The following LIMCH1 variants were observed in gnomAD, a reference collection of about 807,000 sequenced individuals.
The protein encoded by LIMCH1 is LIM and calponin homology domains-containing protein 1.
A neutral mutation model predicts 176.5 loss-of-function variants in LIMCH1; 113 were observed. The ratio of observed to expected loss-of-function variants is 0.64; its 90% CI spans 0.55 to 0.75. The LOEUF (loss-of-function observed/expected upper bound fraction) is 0.75. LIMCH1 is among the 30% of genes least tolerant of loss of function. The probability of loss-of-function intolerance (pLI) is 0.00; values close to 1 mark genes in which losing one functional copy is unlikely to be tolerated. For missense variants in LIMCH1, 1,674 were observed against 1,814.9 expected (o/e 0.92, Z 1.41); for synonymous variants, 619 against 645.9 (o/e 0.96, Z 0.63).
At chr4:41,494,448 C>T (rs1315192208) in intron 1 of LIMCH1, 4 of 846,048 alleles carry the variant, frequency 4.7e-6, no homozygotes, top group Non-Finnish European at 7.8e-6. Context: ...TATATGTACA[C>T]ACACATACAC....
At chr4:41,367,466 G>A (rs2053199033) in intron 1 of LIMCH1, among the ~76,000 whole-genome samples, 1 of 152,052 alleles carries the variant, frequency 6.6e-6, no homozygotes, top group African/African-American at 2.4e-5. Context: ...CCTGGTCAGT[G>A]TAAGTTAGGG....
intron 3 of LIMCH1, among the ~76,000 whole-genome samples, chr4:41,530,743 C>G (rs552093170): frequency 1.5e-5 from 2 of 129,180 alleles, no homozygotes; most frequent in South Asian, 5.3e-4. Flanking sequence ...GGCAGTGAGC[C>G]GAGATTGTGC....
At chr4:41,496,313 G>T (rs1446361383) in intron 2 of LIMCH1, among the ~76,000 whole-genome samples, 1 of 152,210 alleles carries the variant, frequency 6.6e-6, no homozygotes, top group Non-Finnish European at 1.5e-5. Context: ...AGACCCACTG[G>T]TGTATTTGAA....
chr4:41,480,986 G>C (rs561435877), intron 1 of LIMCH1, among the ~76,000 whole-genome samples: 1 of 151,998 alleles, frequency 6.6e-6, no homozygotes, highest in South Asian at 2.1e-4. Flanking sequence ...AATGCTCCCA[G>C]GATGCTTTTG....
At chr4:41,510,746 G>C (rs2074802651) in intron 2 of LIMCH1, among the ~76,000 whole-genome samples, 1 of 152,106 alleles carries the variant, frequency 6.6e-6, no homozygotes, top group Non-Finnish European at 1.5e-5. Flanking sequence ...CTGCCACCAT[G>C]CCTGGCTAAT....
At chr4:41,577,834 C>T (rs542601562) in intron 1 of LIMCH1, among the ~76,000 whole-genome samples, 5 of 152,258 alleles carry the variant, frequency 3.3e-5, no homozygotes, top group Non-Finnish European at 5.9e-5. Context: ...CATATACCAA[C>T]GTAAGTATAT....
intron 1 of LIMCH1, among the ~76,000 whole-genome samples, chr4:41,481,643 G>A (rs1205152926): frequency 6.6e-6 from 1 of 152,088 alleles, no homozygotes; most frequent in Non-Finnish European, 1.5e-5. Flanking sequence ...TAGTGTCATA[G>A]CGTAGAGACA....
chr4:41,666,056 C>T lies in LIMCH1; in HGVS notation c.3292-505C>T, dbSNP rs527930163. ...TTTCTTTGTCAGCAGGCAAAGTATACTGTCTTTAATGTGCTTTGCATAAAT... is the reference window on the plus strand; with the variant it reads ...TTTCTTTGTCAGCAGGCAAAGTATATTGTCTTTAATGTGCTTTGCATAAAT... On this transcript the variant is annotated intron_variant, in intron 20 of 31. Coordinates refer to ENST00000503057, the MANE Select transcript of LIMCH1 (RefSeq NM_001330672.2). Among the ~76,000 whole-genome samples, 20 of 152,298 alleles carry T rather than the reference C, an allele frequency of 1.3e-4. No individual in the cohort carries two copies. In the East Asian group the frequency reaches 3.9e-3, roughly 29 times the overall value.
chr4:41,437,305 G>A (rs2062181214), intron 1 of LIMCH1, among the ~76,000 whole-genome samples: 1 of 152,242 alleles, frequency 6.6e-6, no homozygotes, highest in Non-Finnish European at 1.5e-5. Context: ...TGTGCAAGGA[G>A]CCTGAGCTGG....
At chr4:41,523,557 A>G (rs1421202761) in intron 2 of LIMCH1, among the ~76,000 whole-genome samples, 1 of 152,198 alleles carries the variant, frequency 6.6e-6, no homozygotes, top group Non-Finnish European at 1.5e-5. Flanking sequence ...CGTGGAAATA[A>G]CATTCTACAT....
intron 1 of LIMCH1, among the ~76,000 whole-genome samples, chr4:41,443,549 T>G (rs1162109842): frequency 6.6e-6 from 1 of 152,242 alleles, no homozygotes; most frequent in Non-Finnish European, 1.5e-5. Flanking sequence ...TTTCCAGATT[T>G]CAGGAAGCCA....
chr4:41,531,522 A>C (rs908536439), intron 3 of LIMCH1, among the ~76,000 whole-genome samples: 66 of 145,650 alleles, frequency 4.5e-4, no homozygotes, highest in African/African-American at 1.7e-3. Flanking sequence ...ACACATACAC[A>C]CCTTATACTT....
At chr4:41,567,934 C>CA (rs1463614921) in intron 1 of LIMCH1, among the ~76,000 whole-genome samples, 2 of 152,130 alleles carry the variant, frequency 1.3e-5, no homozygotes, top group Admixed American at 1.3e-4. Flanking sequence ...ACAGGCGGAC[C>CA]ACGAGGTCAG....
At chr4:41,631,875 T>C (rs1169863740) in intron 10 of LIMCH1, among the ~76,000 whole-genome samples, 1 of 152,208 alleles carries the variant, frequency 6.6e-6, no homozygotes, top group Non-Finnish European at 1.5e-5. Context: ...AAGAAAAAGT[T>C]ATTAGTATCA....
At chr4:41,619,121 A>G in intron 5 of LIMCH1, 67 bp from the exon 6 acceptor site, 4 of 1,563,986 alleles carry the variant, frequency 2.6e-6, no homozygotes, top group African/African-American at 1.4e-5. Flanking sequence ...TCCCTAATGC[A>G]TGCTTAACAT....
intron 1 of LIMCH1, among the ~76,000 whole-genome samples, chr4:41,480,106 C>T (rs149033985): frequency 6.6e-6 from 1 of 151,886 alleles, no homozygotes; most frequent in African/African-American, 2.4e-5. Context: ...TTAGATGGTT[C>T]CTACCCATGA....
chr4:41,529,401 G>A (rs35261714), intron 3 of LIMCH1, among the ~76,000 whole-genome samples: 2,442 of 152,280 alleles, frequency 0.016, 31 homozygotes, highest in Middle Eastern at 0.037. Context: ...TTCTGCCCCT[G>A]AGTGCTGAAC....
rs73813411 is a variant in LIMCH1 at position 41,675,442 on chromosome 4, C to T, written c.3439-940C>T. Among the ~76,000 whole-genome samples, 947 of 152,106 alleles carry T rather than the reference C, an allele frequency of 6.2e-3. 5 individuals carry two copies. Among genetic ancestry groups the T allele is most frequent in the African/African-American group, 0.022 (908 of 41,480 alleles). On this transcript the variant is annotated intron_variant, in intron 22 of 31. Coordinates refer to ENST00000503057, the MANE Select transcript of LIMCH1 (RefSeq NM_001330672.2). ...CACCCCAACCCTGTTTCCCATCCCC[C>T]GTCAACTTCCCCACCCGTGCCTTGC...
chr4:41,642,737 C>CTTTTTTTTTTT (rs368906535), intron 14 of LIMCH1, among the ~76,000 whole-genome samples: 21 of 136,370 alleles, frequency 1.5e-4, no homozygotes, highest in South Asian at 2.3e-4. Flanking sequence ...TTTCTTTTTT[C>CTTTTTTTTTTT]TTTTTTTTTT....
Sources: gnomAD v4.1 joint callset for allele counts (sites outside exome capture counted in the v4.1 genomes callset) on GRCh38, gnomAD v4.1.1 for gene constraint, MANE v1.5 for transcripts, NCBI Gene and HGNC (gene_info 2026-07-23, HGNC 2026-07-21) for gene names.